NCAM2: variants seen among roughly 807,000 people sequenced by gnomAD.
NCAM2 encodes the protein neural cell adhesion molecule 2.
A neutral mutation model predicts 98.1 loss-of-function variants in NCAM2; 30 were observed. The ratio of observed to expected loss-of-function variants is 0.31; its 90% confidence interval spans 0.23 to 0.41. The LOEUF (loss-of-function observed/expected upper bound fraction) is 0.41, where lower values mean the gene tolerates loss of function less well. Ranked by LOEUF, NCAM2 falls within the 10% of genes least tolerant of loss-of-function variation. The pLI, the probability that NCAM2 is intolerant of heterozygous loss-of-function variation, is 1.00. For missense variants in NCAM2, 867 were observed against 1,005.8 expected (o/e 0.86, Z 1.87); for synonymous variants, 368 against 342.4 (o/e 1.07, Z -0.83).
chr21:21,495,980 G>A (rs1372671532), intron 15 of NCAM2, among the ~76,000 whole-genome samples: 8 of 146,798 alleles, frequency 5.4e-5, no homozygotes, highest in African/African-American at 2.0e-4. Context: ...ATTACCCAGT[G>A]TATGTGTGTG....
intron 1 of NCAM2, among the ~76,000 whole-genome samples, chr21:21,172,407 G>T (rs1207916678): frequency 2.0e-5 from 3 of 151,970 alleles, no homozygotes; most frequent in Non-Finnish European, 4.4e-5. Flanking sequence ...TTTTTTAAAT[G>T]TCTTTTTTCC....
intron 11 of NCAM2, among the ~76,000 whole-genome samples, chr21:21,422,710 C>G (rs1156415103): frequency 2.0e-5 from 3 of 152,064 alleles, no homozygotes; most frequent in African/African-American, 7.2e-5. Flanking sequence ...CAAATATTAA[C>G]TAGAAATATA....
rs998682741 is a variant in NCAM2, at chr21:21,059,933, G to T, written c.55+61315G>T. Among the ~76,000 whole-genome samples, 10 of 152,186 alleles carry T rather than the reference G, an allele frequency of 6.6e-5. 1 individual carries two copies. Among genetic ancestry groups the T allele is most frequent in the Middle Eastern group, 3.4e-3 (1 of 294 alleles). ...GGTCTAGAAGTTAAAGGGCTGTAAT[G>T]TTGGAGCAATTATTTGATAATATGT... On this transcript the variant is annotated intron_variant, in intron 1 of 17. Coordinates refer to ENST00000400546, the MANE Select transcript of NCAM2 (RefSeq NM_004540.5).
At chr21:21,493,746 T>C (rs965901203) in intron 15 of NCAM2, among the ~76,000 whole-genome samples, 15 of 151,982 alleles carry the variant, frequency 9.9e-5, no homozygotes, top group African/African-American at 3.6e-4. Context: ...TGGCAATCAC[T>C]GACCTTTTTA....
In NCAM2 at chr21:21,031,920, G is replaced by T. The variant is rs113255110; in HGVS notation, c.55+33302G>T. On this transcript the variant is annotated intron_variant, in intron 1 of 17. Transcript: ENST00000400546. ...TTTCTGTGACTTAGGCAGATTTTTG[G>T]TTTTTGTTTGTGTTTTTGTAAATCT... Among the ~76,000 whole-genome samples, 122 of 152,074 alleles carry T rather than the reference G, an allele frequency of 8.0e-4. 3 individuals carry two copies. Among genetic ancestry groups the T allele is most frequent in the African/African-American group, 2.7e-3 (113 of 41,478 alleles).
rs919516289 is a variant in NCAM2 at position 21,247,215 on chromosome 21, A to T, written c.56-33363A>T. ...GCACCTGTAGTCCCAGCTACTCGGG[A>T]GGCTGAGGCAGGAGAATGGCGTGAA... On this transcript the variant is annotated intron_variant, in intron 1 of 17. Coordinates refer to ENST00000400546, the MANE Select transcript of NCAM2 (RefSeq NM_004540.5). Among the ~76,000 whole-genome samples, 3 of 152,054 alleles carry T rather than the reference A, an allele frequency of 2.0e-5. No individual in the cohort carries two copies. In the East Asian group the frequency reaches 5.8e-4, roughly 29 times the overall value.
intron 8 of NCAM2, among the ~76,000 whole-genome samples, chr21:21,369,907 A>G (rs998373046): frequency 3.3e-5 from 5 of 150,158 alleles, no homozygotes; most frequent in African/African-American, 9.8e-5. Context: ...TTTTTTTCCT[A>G]CTTTTCTTAC....
At chr21:21,004,716 G>A (rs1041333400) in intron 1 of NCAM2, among the ~76,000 whole-genome samples, 3 of 152,068 alleles carry the variant, frequency 2.0e-5, no homozygotes, top group African/African-American at 7.2e-5. Context: ...AATTGATTGT[G>A]TTTACTAACT....
At chr21:21,181,811 C>T (rs1016614506) in intron 1 of NCAM2, among the ~76,000 whole-genome samples, 1 of 152,022 alleles carries the variant, frequency 6.6e-6, no homozygotes, top group Admixed American at 6.6e-5. Flanking sequence ...CACCATCAGA[C>T]AGATCTTGTA....
At chr21:21,521,622 A>G (rs1989020815) in intron 16 of NCAM2, among the ~76,000 whole-genome samples, 1 of 152,202 alleles carries the variant, frequency 6.6e-6, no homozygotes, top group Non-Finnish European at 1.5e-5. Flanking sequence ...TGATAGGCTT[A>G]TTAGAATAGA....
At chr21:21,238,358 A>C (rs973496309) in intron 1 of NCAM2, among the ~76,000 whole-genome samples, 1 of 152,234 alleles carries the variant, frequency 6.6e-6, no homozygotes, top group African/African-American at 2.4e-5. Context: ...AAAATAATAC[A>C]TACATTTATT....
rs181315833 is a variant in NCAM2 at position 21,340,922 on chromosome 21, A to G, written c.1044+2388A>G. Among the ~76,000 whole-genome samples the G allele has an allele frequency of 9.3e-4, 141 of 152,082 alleles. 1 individual carries two copies. The Middle Eastern group carries it at 0.02, about 22-fold the overall frequency. Reference sequence around the variant, plus strand: ...GAATTTTTTCATCTTTAAAATGTTGATATTTACCCTCTTGTTATAAGGAAG... The same window carrying G: ...GAATTTTTTCATCTTTAAAATGTTGGTATTTACCCTCTTGTTATAAGGAAG... On this transcript the variant is annotated intron_variant, in intron 8 of 17. Coordinates refer to ENST00000400546, the MANE Select transcript of NCAM2 (RefSeq NM_004540.5).
chr21:21,454,463 AT>A (rs1173687785), intron 12 of NCAM2, among the ~76,000 whole-genome samples: 7 of 152,124 alleles, frequency 4.6e-5, no homozygotes, highest in African/African-American at 1.7e-4. Flanking sequence ...TCCCTAACTT[AT>A]GTATGGGTAC....
intron 12 of NCAM2, among the ~76,000 whole-genome samples, chr21:21,447,554 T>G (rs1366926990): frequency 6.6e-6 from 1 of 151,674 alleles, no homozygotes; most frequent in Admixed American, 6.6e-5. Flanking sequence ...CAAATGGGAT[T>G]TAACTAAAGA....
At chr21:21,211,874 T>G (rs2069672634) in intron 1 of NCAM2, among the ~76,000 whole-genome samples, 1 of 152,182 alleles carries the variant, frequency 6.6e-6, no homozygotes, top group Non-Finnish European at 1.5e-5. Context: ...ACTTGTCAAG[T>G]CCTGTTAACC....
At chr21:21,067,855 C>A (rs912347592) in intron 1 of NCAM2, among the ~76,000 whole-genome samples, 1 of 151,922 alleles carries the variant, frequency 6.6e-6, no homozygotes, top group African/African-American at 2.4e-5. Flanking sequence ...TGGAATATAG[C>A]CCATTGACCC....
At position 21,232,672 on chromosome 21, in the gene NCAM2, A is replaced by G. The variant is rs528392913; in HGVS notation, c.56-47906A>G. On this transcript the variant is annotated intron_variant, in intron 1 of 17. Coordinates refer to ENST00000400546, the MANE Select transcript of NCAM2 (RefSeq NM_004540.5). ...AGATATGTAAACGTATATTTCATGCATGATTTTTATGTGTAGACATTATTA... is the reference window on the plus strand; with the variant it reads ...AGATATGTAAACGTATATTTCATGCGTGATTTTTATGTGTAGACATTATTA... Among the ~76,000 whole-genome samples, 124 of 151,824 alleles carry G rather than the reference A, an allele frequency of 8.2e-4. 2 individuals carry two copies. The South Asian group carries it at 0.025, about 31-fold the overall frequency.
At chr21:21,188,909 A>G (rs1409947356) in intron 1 of NCAM2, among the ~76,000 whole-genome samples, 1 of 152,214 alleles carries the variant, frequency 6.6e-6, no homozygotes, top group African/African-American at 2.4e-5. Flanking sequence ...TTCAAGTTCA[A>G]TTTGATGTAA....
rs543226723 is a variant in NCAM2 at position 21,175,547 on chromosome 21, A to T, written c.56-105031A>T. Among the ~76,000 whole-genome samples the T allele has an allele frequency of 6.6e-5, 10 of 152,216 alleles. No individual in the cohort carries two copies. In the South Asian group the frequency reaches 1.0e-3, roughly 16 times the overall value. ...GACTCCGTCTCAAAAAAAATAAAAA[A>T]AAATAAAATAATAAAACAGGGTGGT... On this transcript the variant is annotated intron_variant, in intron 1 of 17. Transcript: ENST00000400546.
Sources: allele counts gnomAD v4.1 joint callset (sites outside exome capture counted in the v4.1 genomes callset), GRCh38; gene constraint gnomAD v4.1.1; transcripts MANE v1.5; gene names NCBI Gene and HGNC (gene_info 2026-07-23, HGNC 2026-07-21).